The following PTPRG variants were observed in gnomAD, a reference collection of about 807,000 sequenced individuals.
The protein encoded by PTPRG is protein tyrosine phosphatase receptor type G, also known as receptor-type tyrosine-protein phosphatase gamma.
Under a neutral mutation model 165.3 loss-of-function variants are expected in PTPRG, and 102 were observed. That is an observed-to-expected ratio of 0.62 (90% CI 0.53 to 0.73). The LOEUF is 0.73. Ranked by LOEUF, PTPRG falls within the 30% of genes least tolerant of loss-of-function variation. PTPRG has a pLI of 0.00. For synonymous variants in PTPRG, 675 were observed against 669.5 expected (o/e 1.01, Z -0.13); for missense variants, 1,866 against 1,861.4 (o/e 1.00, Z -0.05).
At chr3:61,879,019 TA>T (rs1424006195) in intron 2 of PTPRG, among the ~76,000 whole-genome samples, 1 of 152,190 alleles carries the variant, frequency 6.6e-6, no homozygotes, top group Non-Finnish European at 1.5e-5. Context: ...TAATCGAGTA[TA>T]AAAAACTGAA....
Position 62,015,826 on chromosome 3 carries a change from G to C in PTPRG, c.519+12329G>C, listed in dbSNP as rs145254541. Among the ~76,000 whole-genome samples, 568 of 152,216 alleles carry C rather than the reference G, an allele frequency of 3.7e-3. 16 individuals carry two copies. The highest frequency in any genetic ancestry group is 0.033 in the Admixed American group (499 of 15,286). ...ATTGTTTTGAAGGCAGAAGATGCTC[G>C]TGGAGGGGATATCATGTTGATGTTA... On this transcript the variant is annotated intron_variant, in intron 4 of 29. Coordinates refer to ENST00000474889, the MANE Select transcript of PTPRG (RefSeq NM_002841.4).
At chr3:61,611,240 T>G (rs1701157653) in intron 1 of PTPRG, among the ~76,000 whole-genome samples, 1 of 152,204 alleles carries the variant, frequency 6.6e-6, no homozygotes, top group African/African-American at 2.4e-5. Flanking sequence ...CGCTGTGACT[T>G]TATCAGAATG....
intron 1 of PTPRG, among the ~76,000 whole-genome samples, chr3:61,602,155 T>C (rs945730269): frequency 6.6e-6 from 1 of 152,102 alleles, no homozygotes; most frequent in Non-Finnish European, 1.5e-5. Flanking sequence ...TCCTAGCTTT[T>C]TTTTTTTAAA....
At chr3:62,206,761 C>G (rs533441802) in intron 12 of PTPRG, among the ~76,000 whole-genome samples, 12 of 151,720 alleles carry the variant, frequency 7.9e-5, no homozygotes, top group African/African-American at 2.9e-4. Flanking sequence ...GGTGAAACCC[C>G]GTCTCTAGAA....
At chr3:62,082,609 T>C in intron 5 of PTPRG, among the ~76,000 whole-genome samples, 1 of 152,218 alleles carries the variant, frequency 6.6e-6, no homozygotes, top group East Asian at 1.9e-4. Flanking sequence ...CTTATTCATG[T>C]GTTCACATCA....
At chr3:61,979,008 A>G (rs545082090) in intron 2 of PTPRG, among the ~76,000 whole-genome samples, 1 of 152,316 alleles carries the variant, frequency 6.6e-6, no homozygotes. Flanking sequence ...AAGGTAGGGC[A>G]TATTTGACAC....
chr3:61,921,705 A>G lies in PTPRG; in HGVS notation c.191-67920A>G, dbSNP rs150144627. Among the ~76,000 whole-genome samples, 487 of 152,324 alleles carry G rather than the reference A, an allele frequency of 3.2e-3. 1 individual carries two copies. Among genetic ancestry groups the G allele is most frequent in the African/African-American group, 0.011 (469 of 41,568 alleles). On this transcript the variant is annotated intron_variant, in intron 2 of 29. Coordinates refer to ENST00000474889, the MANE Select transcript of PTPRG (RefSeq NM_002841.4). ...CACATTTAGACTCAAGATTTCTAAG[A>G]TATCTCATTATTTATTTGAAAATAT...
chr3:62,061,597 C>A (rs1404878692), intron 4 of PTPRG, among the ~76,000 whole-genome samples: 1 of 150,672 alleles, frequency 6.6e-6, no homozygotes, highest in East Asian at 2.0e-4. Context: ...GCATCCAAAG[C>A]CTAAAAAACA....
chr3:61,625,740 G>A (rs540710038), intron 1 of PTPRG, among the ~76,000 whole-genome samples: 1 of 152,308 alleles, frequency 6.6e-6, no homozygotes, highest in East Asian at 1.9e-4. Flanking sequence ...GATATTTAAT[G>A]TGTCTAAGAA....
At chr3:61,783,907 T>G (rs2034616793) in intron 2 of PTPRG, among the ~76,000 whole-genome samples, 1 of 152,100 alleles carries the variant, frequency 6.6e-6, no homozygotes, top group Non-Finnish European at 1.5e-5. Context: ...CTGAGTTAAT[T>G]GGAGGTGCTA....
rs80248865 is a variant in PTPRG at position 62,022,373 on chromosome 3, T to A, written c.519+18876T>A. 7.9e-4 allele frequency among the ~76,000 whole-genome samples: 121 copies of A among 152,300 alleles called. No individual in the cohort carries two copies. In the East Asian group the frequency reaches 0.023, roughly 29 times the overall value. On this transcript the variant is annotated intron_variant, in intron 4 of 29. Transcript: ENST00000474889. ...TTAAATCTAGTTTTGGTGCTAGGAC[T>A]TGGCAGAACAATACCAGTATCTATG...
intron 5 of PTPRG, among the ~76,000 whole-genome samples, chr3:62,123,151 G>T (rs1703142084): frequency 6.6e-6 from 1 of 152,176 alleles, no homozygotes; most frequent in South Asian, 2.1e-4. Context: ...GGTGTCAACT[G>T]GGACTATGAT....
At position 61,908,411 on chromosome 3, in the gene PTPRG, CAAAAAAAAAA is replaced by C. The variant is rs776421819; in HGVS notation, c.191-81200_191-81191del. On this transcript the variant is annotated intron_variant, in intron 2 of 29. Coordinates refer to ENST00000474889, the MANE Select transcript of PTPRG (RefSeq NM_002841.4). ...CTGTACTCCAGCCTGGGCAACAGAG[CAAAAAAAAAA>C]AAAAAAAAAAAAATCAGTTTTTCAG... Among the ~76,000 whole-genome samples, 43 of 57,738 alleles carry C rather than the reference CAAAAAAAAAA, an allele frequency of 7.4e-4. No individual in the cohort carries two copies. In the East Asian group the frequency reaches 0.012, roughly 16 times the overall value. The allele number at this position is 57,738 out of a possible 152,430, so 37.9% of individuals were successfully genotyped here.
intron 2 of PTPRG, among the ~76,000 whole-genome samples, chr3:61,919,122 T>A (rs1379659005): frequency 6.6e-6 from 1 of 152,172 alleles, no homozygotes; most frequent in East Asian, 1.9e-4. Context: ...GCATTCCCAG[T>A]CAGAGATCTG....
chr3:61,844,774 A>T (rs1426208413), intron 2 of PTPRG, among the ~76,000 whole-genome samples: 3 of 151,898 alleles, frequency 2.0e-5, no homozygotes, highest in African/African-American at 7.3e-5. Context: ...AAGTGCTGGG[A>T]TTACAGGCAT....
At chr3:61,610,431 TA>T (rs1245004828) in intron 1 of PTPRG, among the ~76,000 whole-genome samples, 7 of 152,222 alleles carry the variant, frequency 4.6e-5, no homozygotes, top group Middle Eastern at 3.4e-3. Context: ...CTGCTGAATA[TA>T]AAAAAATTGC....
intron 2 of PTPRG, among the ~76,000 whole-genome samples, chr3:61,875,563 G>C (rs1394079687): frequency 6.6e-6 from 1 of 152,056 alleles, no homozygotes; most frequent in African/African-American, 2.4e-5. Flanking sequence ...TGGGACTTGG[G>C]TAACTGACGA....
chr3:62,220,860 C>T (rs979426413), intron 13 of PTPRG, among the ~76,000 whole-genome samples: 4 of 152,132 alleles, frequency 2.6e-5, no homozygotes, highest in Non-Finnish European at 5.9e-5. Context: ...GCAGAGAAGT[C>T]CCACAGCTGC....
chr3:62,016,919 A>G (rs2041559048), intron 4 of PTPRG, among the ~76,000 whole-genome samples: 1 of 152,150 alleles, frequency 6.6e-6, no homozygotes, highest in African/African-American at 2.4e-5. Flanking sequence ...CTTCCAAAGT[A>G]AGTCACTTTC....
Sources: allele counts gnomAD v4.1 joint callset (sites outside exome capture counted in the v4.1 genomes callset), GRCh38; gene constraint gnomAD v4.1.1; transcripts MANE v1.5; gene names NCBI Gene and HGNC (gene_info 2026-07-23, HGNC 2026-07-21).